GABRB3: variants seen among roughly 807,000 people sequenced by gnomAD.
GABRB3 encodes the protein gamma-aminobutyric acid receptor subunit beta-3.
A neutral mutation model predicts 52.1 loss-of-function variants in GABRB3; 14 were observed. The ratio of observed to expected loss-of-function variants is 0.27; its 90% CI spans 0.18 to 0.42. The LOEUF (loss-of-function observed/expected upper bound fraction) is 0.42. GABRB3 is among the 10% of genes least tolerant of loss of function. GABRB3 has a pLI of 1.00. For synonymous variants in GABRB3, 260 were observed against 232.3 expected, an observed-to-expected ratio of 1.12 and a Z score of -1.08; for missense variants, 307 against 609.1, an observed-to-expected ratio of 0.50 and a Z score of 5.22.
At chr15:26,688,826 C>T (rs1888488373) in intron 3 of GABRB3, among the ~76,000 whole-genome samples, 1 of 152,162 alleles carries the variant, frequency 6.6e-6, no homozygotes, top group Non-Finnish European at 1.5e-5. Context: ...ACAAAGGTTT[C>T]CATAGATGAT....
chr15:26,563,423 T>C (rs929153963), intron 7 of GABRB3, among the ~76,000 whole-genome samples: 1 of 152,200 alleles, frequency 6.6e-6, no homozygotes, highest in African/African-American at 2.4e-5. Context: ...GGCCAATGCA[T>C]TTACTAAGTC....
chr15:26,605,578 A>G (rs1008120567), intron 4 of GABRB3, among the ~76,000 whole-genome samples: 2 of 152,220 alleles, frequency 1.3e-5, no homozygotes, highest in Admixed American at 6.5e-5. Flanking sequence ...GTACTTGTGT[A>G]TAAGTCCAAG....
At chr15:26,697,833 C>G (rs539748738) in intron 3 of GABRB3, among the ~76,000 whole-genome samples, 9 of 152,190 alleles carry the variant, frequency 5.9e-5, no homozygotes, top group African/African-American at 2.2e-4. Context: ...CAGGCAACCA[C>G]GCTGTGCTCT....
chr15:26,656,579 T>TGAAC (rs1251426578), intron 3 of GABRB3, among the ~76,000 whole-genome samples: 8 of 152,170 alleles, frequency 5.3e-5, no homozygotes, highest in Non-Finnish European at 1.0e-4. Flanking sequence ...TGCAGGTGAG[T>TGAAC]GAACCTGACT....
At chr15:26,557,790 A>C (rs1889811075) in intron 8 of GABRB3, 1 of 152,198 alleles carries the variant, frequency 6.6e-6, no homozygotes, top group South Asian at 2.1e-4. Context: ...TGAAAAACCA[A>C]ACAATAAACA....
chr15:26,608,093 T>C (rs911362002), intron 4 of GABRB3, among the ~76,000 whole-genome samples: 1 of 139,856 alleles, frequency 7.2e-6, no homozygotes, highest in African/African-American at 2.9e-5. Flanking sequence ...TAAAACAGCA[T>C]GGTACTGGCA....
chr15:26,729,069 TA>T (rs943850854), intron 3 of GABRB3, among the ~76,000 whole-genome samples: 31 of 152,246 alleles, frequency 2.0e-4, no homozygotes, highest in African/African-American at 7.0e-4. Context: ...TCACCTGTTT[TA>T]AAAATATATT....
intron 5 of GABRB3, among the ~76,000 whole-genome samples, chr15:26,581,641 C>T (rs937795628): frequency 1.3e-5 from 2 of 152,198 alleles, no homozygotes; most frequent in African/African-American, 4.8e-5. Flanking sequence ...CTCAGACCAG[C>T]GTGCTCTGCC....
intron 3 of GABRB3, among the ~76,000 whole-genome samples, chr15:26,699,064 T>C (rs1888840679): frequency 6.6e-6 from 1 of 151,928 alleles, no homozygotes; most frequent in African/African-American, 2.4e-5. Context: ...ATGAGAACAG[T>C]GAAAAAAAGG....
intron 3 of GABRB3, among the ~76,000 whole-genome samples, chr15:26,639,758 G>T (rs982658671): frequency 2.0e-5 from 3 of 152,132 alleles, no homozygotes; most frequent in Non-Finnish European, 4.4e-5. Context: ...CAGTACATTC[G>T]ATTTCTTTAA....
chr15:26,762,103 AT>A (rs1451236913), intron 3 of GABRB3, among the ~76,000 whole-genome samples: 1 of 152,190 alleles, frequency 6.6e-6, no homozygotes, highest in African/African-American at 2.4e-5. Context: ...AAGTGCTGGG[AT>A]TACGGGCATA....
At chr15:26,773,711 A>T (rs770416017), upstream of GABRB3, 26 of 1,569,796 alleles carry the variant, frequency 1.7e-5, no homozygotes, top group Admixed American at 4.5e-4. Context: ...GAGCTCCAGG[A>T]GCCCGGAGCA....
At chr15:26,618,710 T>C (rs1209435533) in intron 4 of GABRB3, among the ~76,000 whole-genome samples, 1 of 151,906 alleles carries the variant, frequency 6.6e-6, no homozygotes, top group Non-Finnish European at 1.5e-5. Context: ...CAAAAGAAAC[T>C]ACCATCAGAG....
intron 4 of GABRB3, among the ~76,000 whole-genome samples, chr15:26,606,805 T>TATCGATAGATATATCGATCG (rs1275882932): frequency 8.5e-6 from 1 of 117,950 alleles, no homozygotes; most frequent in Non-Finnish European, 2.0e-5. Flanking sequence ...TAGATATATC[T>TATCGATAGATATATCGATCG]ATAGATAGAT....
intron 3 of GABRB3, among the ~76,000 whole-genome samples, chr15:26,736,660 T>C (rs1466244529): frequency 6.6e-6 from 1 of 152,236 alleles, no homozygotes; most frequent in Admixed American, 6.5e-5. Context: ...GGTGGGGTGC[T>C]GCAGGACAGT....
intron 3 of GABRB3, among the ~76,000 whole-genome samples, chr15:26,727,770 T>C (rs1889811530): frequency 1.3e-5 from 2 of 152,218 alleles, no homozygotes; most frequent in African/African-American, 4.8e-5. Context: ...CATGACCTCA[T>C]GTGTTCATAC....
intron 3 of GABRB3, among the ~76,000 whole-genome samples, chr15:26,730,497 C>T (rs550034679): frequency 1.5e-4 from 23 of 151,580 alleles, no homozygotes; most frequent in Middle Eastern, 3.5e-3. Context: ...ACCCCCCGTG[C>T]GGATGAATGC....
intron 3 of GABRB3, chr15:26,642,459 G>GA (rs1375190767): frequency 1.6e-6 from 2 of 1,287,836 alleles, no homozygotes; most frequent in East Asian, 5.6e-5. Context: ...TCCTGGAAAG[G>GA]AAAAAATGAA....
chr15:26,744,532 TCTC>T (rs1245567548), intron 3 of GABRB3, among the ~76,000 whole-genome samples: 1 of 152,084 alleles, frequency 6.6e-6, no homozygotes, highest in Non-Finnish European at 1.5e-5. Context: ...TTCAAGCAAT[TCTC>T]CTGCTTCAGC....
Sources: allele counts gnomAD v4.1 joint callset (sites outside exome capture counted in the v4.1 genomes callset), GRCh38; gene constraint gnomAD v4.1.1; transcripts MANE v1.5; gene names NCBI Gene and HGNC (gene_info 2026-07-23, HGNC 2026-07-21).